The following TMEM106A variants were observed in gnomAD, a reference collection of about 807,000 sequenced individuals.
TMEM106A encodes the protein transmembrane protein 106A.
A neutral mutation model predicts 25.1 loss-of-function variants in TMEM106A; 22 were observed. The observed-to-expected ratio is 0.88, with a 90% CI of 0.63 to 1.25. The LOEUF is 1.25. Among genes scored for constraint, TMEM106A ranks in the 50% most tolerant of loss-of-function variants. The pLI, the probability that TMEM106A is intolerant of heterozygous loss-of-function variation, is 0.00. For missense variants in TMEM106A, 275 were observed against 318.1 expected (o/e 0.86, Z 1.03); for synonymous variants, 104 against 129.9 (o/e 0.80, Z 1.35).
intron 5 of TMEM106A, 108 bp downstream of exon 5, chr17:43,216,049 C>A: frequency 7.0e-7 from 1 of 1,427,680 alleles, no homozygotes; most frequent in Non-Finnish European, 9.6e-7. Context: ...CTTATGGCAC[C>A]CAGAGGGTGT....
At chr17:43,213,681 G>C in intron 3 of TMEM106A, 147 bp from the exon 4 acceptor site, 1 of 753,638 alleles carries the variant, frequency 1.3e-6, no homozygotes, top group East Asian at 2.7e-5. Flanking sequence ...GCAGAGTCCA[G>C]TGCTTCCAGT....
At chr17:43,214,042 G>T in intron 4 of TMEM106A, 151 bp downstream of exon 4, 1 of 770,712 alleles carries the variant, frequency 1.3e-6, no homozygotes. Flanking sequence ...TACGTCCAAG[G>T]ATTTTTTCCT....
chr17:43,217,928 C>A lies in TMEM106A; in HGVS notation c.*127C>A, dbSNP rs990084629. Reference sequence around the variant, plus strand: ...GAAGCCCTGCCTCATCACACCCTTACCTCCCACCCCCTCAGCACAGGAAGC... The same window carrying A: ...GAAGCCCTGCCTCATCACACCCTTAACTCCCACCCCCTCAGCACAGGAAGC... On this transcript the variant is annotated 3_prime_UTR_variant, in exon 9 of 9. Coordinates refer to ENST00000612339, the MANE Select transcript of TMEM106A (RefSeq NM_145041.4). 6 of 1,348,656 alleles carry A rather than the reference C, an allele frequency of 4.4e-6. No homozygotes were observed. The African/African-American group carries it at 8.7e-5, about 20-fold the overall frequency. The allele number at this position is 1,348,656 out of a possible 1,614,324, so 83.5% of individuals were successfully genotyped here.
intron 4 of TMEM106A, 78 bp from the exon 5 acceptor site, chr17:43,215,710 G>A (rs1323304405): frequency 8.6e-6 from 13 of 1,511,490 alleles, no homozygotes; most frequent in Middle Eastern, 2.4e-4. Flanking sequence ...ATGGAGAGGA[G>A]TGTCTGAACC....
intron 7 of TMEM106A, 96 bp downstream of exon 7, chr17:43,216,836 C>A: frequency 6.6e-7 from 1 of 1,520,828 alleles, no homozygotes; most frequent in South Asian, 1.1e-5. Flanking sequence ...GCAAATTCTT[C>A]AGCCAGCATC....
At chr17:43,214,865 C>G (rs1224822509) in intron 4 of TMEM106A, among the ~76,000 whole-genome samples, 1 of 150,490 alleles carries the variant, frequency 6.6e-6, no homozygotes, top group Non-Finnish European at 1.5e-5. Context: ...GAGGCTGAGG[C>G]AGGAGAATTG....
In TMEM106A at chr17:43,217,817, T is replaced by C; in HGVS notation, c.*16T>C. ...CCCACCATGACCTGTCTGCTGTCCC[T>C]GTACTCCAGGCACCTGCAACCCTGG... is the stretch of plus-strand genomic sequence containing the variant. On this transcript the variant is annotated 3_prime_UTR_variant, in exon 9 of 9. Coordinates refer to ENST00000612339, the MANE Select transcript of TMEM106A (RefSeq NM_145041.4). The C allele has an allele frequency of 6.2e-7, 1 of 1,614,002 alleles. No homozygotes were observed. The highest frequency in any genetic ancestry group is 8.5e-7 in the Non-Finnish European group (1 of 1,179,910).
At chr17:43,217,544 A>G (rs2057497979) in intron 8 of TMEM106A, 137 bp from the exon 9 acceptor site, 5 of 1,487,856 alleles carry the variant, frequency 3.4e-6, no homozygotes, top group Middle Eastern at 1.9e-4. Context: ...CAGCTGTCCC[A>G]GGTACCTTGG....
In TMEM106A at chr17:43,212,190, A is replaced by G. The variant is rs3803872; in HGVS notation, c.-189-37A>G. The G allele has an allele frequency of 3.9e-3, 602 of 152,406 alleles. 19 individuals carry two copies. The East Asian group carries it at 0.081, about 21-fold the overall frequency. 9.4% of individuals were successfully genotyped at this position (152,406 alleles called of 1,614,324 possible). Reference sequence around the variant, plus strand: ...CTTCGGGGAGGTCAGCGTCCTTACTATCCCCACTCTCCAGTGCGGCACATT... The same window carrying G: ...CTTCGGGGAGGTCAGCGTCCTTACTGTCCCCACTCTCCAGTGCGGCACATT... On this transcript the variant is annotated intron_variant, in intron 1 of 8. Coordinates refer to ENST00000612339, the MANE Select transcript of TMEM106A (RefSeq NM_145041.4).
rs1049947217 is a variant in TMEM106A at position 43,217,976 on chromosome 17, C to A, written c.*175C>A. The A allele has an allele frequency of 1.2e-6, 1 of 810,784 alleles. No homozygotes were observed. The highest frequency in any genetic ancestry group is 3.3e-4 in the Middle Eastern group (1 of 3,050). 50.2% of individuals were successfully genotyped at this position (810,784 alleles called of 1,614,324 possible). ...AGCTTGCTTTGAAGTTAACTTCATA[C>A]ACACACACTCATATCCTCCAGTTTC... On this transcript the variant is annotated 3_prime_UTR_variant, in exon 9 of 9. Transcript: ENST00000612339.
chr17:43,215,857 TC>T lies in TMEM106A; in HGVS notation c.349del (p.Arg117GlyfsTer26), dbSNP rs779770169. ...TSSFIVFFLF[P>X]RSVIVQPAGL... ...CCTCCTTCATCGTCTTTTTCCTGTT[TC>T]CCCGGTCCGTCATTGTGCAGCCTGC... On this transcript the variant is annotated frameshift_variant, in exon 5 of 9. Coordinates refer to ENST00000612339, the MANE Select transcript of TMEM106A (RefSeq NM_145041.4). LOFTEE classifies it high-confidence loss of function. 54 of 1,613,918 alleles carry T rather than the reference TC, an allele frequency of 3.3e-5. No homozygotes were observed. The highest frequency in any genetic ancestry group is 4.4e-5 in the Non-Finnish European group (52 of 1,180,012).
intron 2 of TMEM106A, among the ~76,000 whole-genome samples, 153 bp downstream of exon 2, chr17:43,212,547 C>G (rs1465440855): frequency 6.6e-6 from 1 of 152,180 alleles, no homozygotes; most frequent in African/African-American, 2.4e-5. Context: ...CTTACCCCGC[C>G]TCAGAAAGCA....
rs1056970512 is a variant in TMEM106A at position 43,218,506 on chromosome 17, C to G, written c.*705C>G. 8 of 152,144 alleles carry G rather than the reference C, an allele frequency of 5.3e-5. No individual in the cohort carries two copies. The South Asian group carries it at 6.2e-4, about 12-fold the overall frequency. The allele number at this position is 152,144 out of a possible 1,614,324, so 9.4% of individuals were successfully genotyped here. A position where few individuals can be genotyped will look rare whatever the true frequency, so the allele number is the denominator to read the frequency against. ...TGAAACCTTGTCTCTACTAAAAATA[C>G]AAAAATTAGCTGGGTGTGGTGGCAT... is the stretch of plus-strand genomic sequence containing the variant. On this transcript the variant is annotated 3_prime_UTR_variant, in exon 9 of 9. Transcript: ENST00000612339.
Position 43,215,787 on chromosome 17 carries a change from G to A in TMEM106A, c.276-1G>A. On this transcript the variant is annotated splice_acceptor_variant, in intron 4 of 8. Transcript: ENST00000612339. LOFTEE classifies it high-confidence loss of function. ...CCATCCTGGGTCCTGCTTTCCCACAGGAAGCTCTTTGTGTTCCTGGCCGTG... is the reference window on the plus strand; with the variant it reads ...CCATCCTGGGTCCTGCTTTCCCACAAGAAGCTCTTTGTGTTCCTGGCCGTG... The A allele has an allele frequency of 6.2e-7, 1 of 1,613,526 alleles. No homozygotes were observed. The highest frequency in any genetic ancestry group is 8.5e-7 in the Non-Finnish European group (1 of 1,179,944).
Position 43,214,959 on chromosome 17 carries a change from GA to G in TMEM106A, c.276-814del, listed in dbSNP as rs538770111. Among the ~76,000 whole-genome samples the G allele has an allele frequency of 2.8e-3, 206 of 73,872 alleles. No individual in the cohort carries two copies. In the Middle Eastern group the frequency reaches 0.047, roughly 17 times the overall value. 48.5% of individuals were successfully genotyped at this position (73,872 alleles called of 152,430 possible). On this transcript the variant is annotated intron_variant, in intron 4 of 8. Coordinates refer to ENST00000612339, the MANE Select transcript of TMEM106A (RefSeq NM_145041.4). ...TGAGCAACAGAGCGAGGCCTCATCTGAAAAAAAAAAAAAAACAAAAAAAAAC... is the reference window on the plus strand; with the variant it reads ...TGAGCAACAGAGCGAGGCCTCATCTGAAAAAAAAAAAAAACAAAAAAAAAC...
At chr17:43,215,674 G>A (rs1276950872) in intron 4 of TMEM106A, 114 bp from the exon 5 acceptor site, 1 of 1,122,114 alleles carries the variant, frequency 8.9e-7, no homozygotes, top group Non-Finnish European at 1.3e-6. Context: ...TGTTGTTGGG[G>A]TAGTGTGCAG....
At chr17:43,216,675 C>T in intron 6 of TMEM106A, 22 bp from the exon 7 acceptor site, 1 of 1,614,154 alleles carries the variant, frequency 6.2e-7, no homozygotes, top group Non-Finnish European at 8.5e-7. Context: ...TGGGGCTAAC[C>T]CTGTGCCCAT....
Position 43,217,880 on chromosome 17 carries a change from A to G in TMEM106A, c.*79A>G, listed in dbSNP as rs1210808750. On this transcript the variant is annotated 3_prime_UTR_variant, in exon 9 of 9. Coordinates refer to ENST00000612339, the MANE Select transcript of TMEM106A (RefSeq NM_145041.4). Reference sequence around the variant, plus strand: ...ACAACTCCCTGGTGACTAAGGAAGGACTACAGAGGCTTTGCCAAAGGAGAA... The same window carrying G: ...ACAACTCCCTGGTGACTAAGGAAGGGCTACAGAGGCTTTGCCAAAGGAGAA... The G allele has an allele frequency of 1.3e-6, 2 of 1,593,838 alleles. No homozygotes were observed. The highest frequency in any genetic ancestry group is 2.7e-5 in the African/African-American group (2 of 74,540).
Position 43,214,813 on chromosome 17 carries a change from A to T in TMEM106A, c.275+922A>T, listed in dbSNP as rs138124717. Among the ~76,000 whole-genome samples, 647 of 152,044 alleles carry T rather than the reference A, an allele frequency of 4.3e-3. 6 individuals carry two copies. Among genetic ancestry groups the T allele is most frequent in the African/African-American group, 0.014 (596 of 41,446 alleles). ...TGTCTCTACTAAAAATAGAAAAATTATCTGGGCGTGGTGGCAGACACCAGT... is the reference window on the plus strand; with the variant it reads ...TGTCTCTACTAAAAATAGAAAAATTTTCTGGGCGTGGTGGCAGACACCAGT... On this transcript the variant is annotated intron_variant, in intron 4 of 8. Transcript: ENST00000612339.
Sources: allele counts gnomAD v4.1 joint callset (sites outside exome capture counted in the v4.1 genomes callset), GRCh38; gene constraint gnomAD v4.1.1; transcripts MANE v1.5; gene names NCBI Gene and HGNC (gene_info 2026-07-23, HGNC 2026-07-21).